CES5A: variants seen among roughly 807,000 people sequenced by gnomAD.
The protein encoded by CES5A is carboxylesterase 5A.
CES5A carries 67 observed loss-of-function variants against 62.9 expected under a neutral mutation model. The observed-to-expected ratio is 1.07, with a 90% confidence interval of 0.88 to 1.31. The LOEUF is 1.31. CES5A is among the 50% of genes most tolerant of loss of function. CES5A has a pLI of 0.00. For missense variants in CES5A, 748 were observed against 708.5 expected (o/e 1.06, Z -0.63); for synonymous variants, 296 against 280.8 (o/e 1.05, Z -0.54).
intron 4 of CES5A, among the ~76,000 whole-genome samples, chr16:55,868,929 G>A (rs2033525328): frequency 6.6e-6 from 1 of 152,218 alleles, no homozygotes; most frequent in South Asian, 2.1e-4. Context: ...AGGGTGAGTT[G>A]AAATAATGCA....
Position 55,947,055 on chromosome 16 carries a change from T to C in CES5A, c.160+2730A>G, listed in dbSNP as rs1299023643. Among the ~76,000 whole-genome samples the C allele has an allele frequency of 2.6e-5, 4 of 152,074 alleles. 1 individual carries two copies. Among genetic ancestry groups the C allele is most frequent in the Non-Finnish European group, 5.9e-5 (4 of 67,998 alleles). ...AGAACACAGGAGGGGCATGGGAAGG[T>C]TAAAATGGAAAGAGAGCCAAGTACT... On this transcript the variant is annotated intron_variant, in intron 2 of 13. Coordinates refer to the CES5A transcript ENST00000521992.
Position 55,909,121 on chromosome 16 carries a change from G to A in CES5A, c.-256+16202C>T, listed in dbSNP as rs185922993. ...AAAAGGGCAATTTTCATTTGCCTTCGTTTGGGTCAAGGCTGTACAGCCTCC... is the reference window on the plus strand; with the variant it reads ...AAAAGGGCAATTTTCATTTGCCTTCATTTGGGTCAAGGCTGTACAGCCTCC... On this transcript the variant is annotated intron_variant, in intron 1 of 12. Coordinates refer to the CES5A transcript ENST00000518005. Among the ~76,000 whole-genome samples, 1,045 of 152,306 alleles carry A rather than the reference G, an allele frequency of 6.9e-3. 4 individuals are homozygous for A. The highest frequency in any genetic ancestry group is 0.011 in the African/African-American group (437 of 41,578).
chr16:55,907,093 T>C (rs1597144494), intron 1 of CES5A, among the ~76,000 whole-genome samples: 3 of 152,212 alleles, frequency 2.0e-5, no homozygotes, highest in South Asian at 4.1e-4. Flanking sequence ...GTGATGATGA[T>C]GATGACGATG....
chr16:55,908,955 T>A (rs2034065997), intron 1 of CES5A, among the ~76,000 whole-genome samples: 1 of 152,066 alleles, frequency 6.6e-6, no homozygotes, highest in African/African-American at 2.4e-5. Context: ...CAGACAAAAA[T>A]TCCCCAAAAA....
chr16:55,880,445 C>G (rs545507807), intron 1 of CES5A, among the ~76,000 whole-genome samples: 1 of 152,300 alleles, frequency 6.6e-6, no homozygotes, highest in African/African-American at 2.4e-5. Context: ...CTCAGGAACA[C>G]CCCCTCGTCT....
intron 1 of CES5A, among the ~76,000 whole-genome samples, chr16:55,914,133 C>T (rs1261718162): frequency 2.0e-5 from 3 of 152,134 alleles, no homozygotes; most frequent in African/African-American, 7.2e-5. Flanking sequence ...TATTGTATTA[C>T]CTAAAGTTCA....
chr16:55,871,824 G>A (rs2033595412), intron 2 of CES5A, 61 bp from the exon 3 acceptor site: 2 of 1,586,016 alleles, frequency 1.3e-6, no homozygotes, highest in Non-Finnish European at 8.6e-7. Context: ...CCTGGGAAGG[G>A]CCAGTTCTTC....
chr16:55,938,789 T>TACACAC (rs1567362359), intron 2 of CES5A, among the ~76,000 whole-genome samples: 50 of 67,092 alleles, frequency 7.5e-4, no homozygotes, highest in African/African-American at 2.7e-3. Context: ...TATATATATA[T>TACACAC]ATATATATAC....
At chr16:55,847,745 A>T (rs572203901) in intron 11 of CES5A, among the ~76,000 whole-genome samples, 5 of 152,244 alleles carry the variant, frequency 3.3e-5, no homozygotes, top group Admixed American at 2.0e-4. Flanking sequence ...AAACATTTAT[A>T]TGCAATCATA....
rs111813127 is a variant in CES5A at position 55,954,391 on chromosome 16, C to T, written c.42+1453G>A. ...AAATGGAAAACAAAGCCTGGAGACA[C>T]GCTAAAGCTTCTCATAGTCGGTCCT... On this transcript the variant is annotated intron_variant, in intron 1 of 13. Coordinates refer to the CES5A transcript ENST00000521992. Among the ~76,000 whole-genome samples, 606 of 152,320 alleles carry T rather than the reference C, an allele frequency of 4.0e-3. 5 individuals are homozygous for T. The highest frequency in any genetic ancestry group is 0.014 in the African/African-American group (568 of 41,578).
chr16:55,923,081 A>C (rs1240438472), intron 1 of CES5A, among the ~76,000 whole-genome samples: 1 of 151,828 alleles, frequency 6.6e-6, no homozygotes, highest in Non-Finnish European at 1.5e-5. Flanking sequence ...TTATATTTAA[A>C]AAGTAGAAAG....
At chr16:55,913,474 A>T (rs1283468662) in intron 1 of CES5A, among the ~76,000 whole-genome samples, 1 of 152,178 alleles carries the variant, frequency 6.6e-6, no homozygotes, top group Non-Finnish European at 1.5e-5. Context: ...CTGATCTGTT[A>T]GTCCTGCAAA....
At chr16:55,868,898 C>T (rs2033524622) in intron 4 of CES5A, among the ~76,000 whole-genome samples, 1 of 152,238 alleles carries the variant, frequency 6.6e-6, no homozygotes. Flanking sequence ...AACAGAGAAC[C>T]TTCCTTGAAG....
intron 1 of CES5A, among the ~76,000 whole-genome samples, chr16:55,902,215 C>A (rs1457409337): frequency 6.6e-6 from 1 of 152,162 alleles, no homozygotes; most frequent in Non-Finnish European, 1.5e-5. Context: ...CGAACATTTA[C>A]TCTAATGATG....
At chr16:55,881,335 A>T (rs74019315) in intron 1 of CES5A, among the ~76,000 whole-genome samples, 1 of 152,200 alleles carries the variant, frequency 6.6e-6, no homozygotes, top group South Asian at 2.1e-4. Context: ...TAGTGAATGA[A>T]TCGCGTGATG....
In CES5A at chr16:55,885,721, T is replaced by G. The variant is rs554664524; in HGVS notation, c.-255-11684A>C. Among the ~76,000 whole-genome samples, 86 of 152,280 alleles carry G rather than the reference T, an allele frequency of 5.6e-4. 1 individual carries two copies. The highest frequency in any genetic ancestry group is 1.1e-3 in the Non-Finnish European group (72 of 68,018). ...GGAAGCATGGCCTTGATGTAAATGT[T>G]GTGACAGACTTCAGCAGCAAGGAGC... On this transcript the variant is annotated intron_variant, in intron 1 of 12. Coordinates refer to the CES5A transcript ENST00000518005.
chr16:55,908,284 T>C (rs1201636764), intron 1 of CES5A, among the ~76,000 whole-genome samples: 2 of 152,196 alleles, frequency 1.3e-5, no homozygotes, highest in South Asian at 2.1e-4. Context: ...TCCTGCCCAG[T>C]CCCATCTGTC....
chr16:55,912,053 T>C (rs2034098601), intron 1 of CES5A, among the ~76,000 whole-genome samples: 1 of 152,216 alleles, frequency 6.6e-6, no homozygotes, highest in South Asian at 2.1e-4. Context: ...CATCCAATGC[T>C]GTCAGCTCAC....
intron 1 of CES5A, among the ~76,000 whole-genome samples, chr16:55,874,474 G>A (rs1368211495): frequency 1.4e-5 from 2 of 144,640 alleles, no homozygotes; most frequent in African/African-American, 2.6e-5. Context: ...ATGATTGCTG[G>A]CTTCTTTTTT....
Sources: gnomAD v4.1 joint callset for allele counts (sites outside exome capture counted in the v4.1 genomes callset) on GRCh38, gnomAD v4.1.1 for gene constraint, MANE v1.5 for transcripts, NCBI Gene and HGNC (gene_info 2026-07-23, HGNC 2026-07-21) for gene names.